The following SINHCAF variants were observed in gnomAD, a reference collection of about 807,000 sequenced individuals.
The protein encoded by SINHCAF is SIN3-HDAC complex-associated factor.
Under a neutral mutation model 25.8 loss-of-function variants are expected in SINHCAF, and 3 were observed. The ratio of observed to expected loss-of-function variants is 0.12; its 90% CI spans 0.05 to 0.30. The LOEUF is 0.30. Ranked by LOEUF, SINHCAF falls within the 10% of genes least tolerant of loss-of-function variation. The pLI is 1.00. For missense variants in SINHCAF, 121 were observed against 262.3 expected (o/e 0.46, Z 3.72); for synonymous variants, 70 against 85.5 (o/e 0.82, Z 1.00).
At chr12:31,312,352 T>A (rs1203295025) in intron 1 of SINHCAF, among the ~76,000 whole-genome samples, 2 of 151,486 alleles carry the variant, frequency 1.3e-5, no homozygotes, top group Non-Finnish European at 3.0e-5. Context: ...TTGTTTTACG[T>A]ATTTTGTGTG....
At chr12:31,286,095 G>A (rs1396595698) in intron 5 of SINHCAF, among the ~76,000 whole-genome samples, 2 of 151,970 alleles carry the variant, frequency 1.3e-5, no homozygotes. Flanking sequence ...TACCAATATT[G>A]TATTGGTTAG....
chr12:31,291,759 G>A (rs991208458), intron 4 of SINHCAF, among the ~76,000 whole-genome samples: 2 of 150,924 alleles, frequency 1.3e-5, no homozygotes, highest in Non-Finnish European at 2.9e-5. Context: ...GACAGAGCAA[G>A]TTTGACTCCA....
At chr12:31,298,028 T>C (rs1938617070) in intron 2 of SINHCAF, 49 bp downstream of exon 2, 1 of 1,545,598 alleles carries the variant, frequency 6.5e-7, no homozygotes, top group African/African-American at 1.4e-5. Flanking sequence ...TTCTGTATGC[T>C]GTGGTATTTT....
intron 1 of SINHCAF, among the ~76,000 whole-genome samples, chr12:31,308,096 A>G (rs1029796749): frequency 3.3e-4 from 50 of 152,240 alleles, no homozygotes; most frequent in Non-Finnish European, 3.2e-4. Flanking sequence ...TTTTGCCACC[A>G]CATCTGGCTA....
intron 4 of SINHCAF, among the ~76,000 whole-genome samples, chr12:31,292,281 T>C (rs1388454725): frequency 6.6e-6 from 1 of 152,078 alleles, no homozygotes; most frequent in Non-Finnish European, 1.5e-5. Flanking sequence ...GTGGGTGGAT[T>C]GCTTGAGCTC....
intron 1 of SINHCAF, among the ~76,000 whole-genome samples, chr12:31,306,157 A>G (rs141976237): frequency 2.0e-5 from 3 of 152,330 alleles, no homozygotes; most frequent in East Asian, 3.9e-4. Flanking sequence ...TACCCAATGC[A>G]AAAACATGCA....
At chr12:31,298,954 C>T (rs989434717) in intron 1 of SINHCAF, among the ~76,000 whole-genome samples, 5 of 151,992 alleles carry the variant, frequency 3.3e-5, no homozygotes, top group African/African-American at 1.2e-4. Flanking sequence ...TGGACCTCTT[C>T]TACAAGGCTT....
At chr12:31,315,896 TG>T (rs1939476627) in intron 1 of SINHCAF, among the ~76,000 whole-genome samples, 1 of 152,330 alleles carries the variant, frequency 6.6e-6, no homozygotes, top group East Asian at 1.9e-4. Context: ...CCGGGCGTGG[TG>T]GCTCAAGCCT....
At chr12:31,320,455 A>G (rs1234843175) in intron 1 of SINHCAF, among the ~76,000 whole-genome samples, 1 of 152,174 alleles carries the variant, frequency 6.6e-6, no homozygotes, top group Non-Finnish European at 1.5e-5. Flanking sequence ...TTACTGCATT[A>G]TCTCCTCTAC....
At chr12:31,287,355 A>C (rs887490300) in intron 5 of SINHCAF, among the ~76,000 whole-genome samples, 2 of 150,844 alleles carry the variant, frequency 1.3e-5, no homozygotes. Flanking sequence ...TGAAGGACCA[A>C]CTCTTAGTTT....
At chr12:31,295,806 A>AG (rs1248044047) in intron 2 of SINHCAF, among the ~76,000 whole-genome samples, 1 of 152,018 alleles carries the variant, frequency 6.6e-6, no homozygotes, top group African/African-American at 2.4e-5. Context: ...CAGGAAGCAG[A>AG]GGTTGCAGTG....
intron 1 of SINHCAF, among the ~76,000 whole-genome samples, chr12:31,318,185 G>A (rs1053068670): frequency 4.6e-5 from 7 of 152,090 alleles, no homozygotes; most frequent in South Asian, 2.1e-4. Context: ...GTATTCTCCC[G>A]CGGCTAGGCT....
In SINHCAF at chr12:31,324,271, T is replaced by C. The variant is rs988489025; in HGVS notation, c.-21+1753A>G. On this transcript the variant is annotated intron_variant, in intron 1 of 5. Transcript: ENST00000337682. The surrounding 1 kb of genome is among the most constrained non-coding windows in gnomAD (Gnocchi z 5.5). The stretch of plus-strand genomic sequence containing the variant: ...GCTTTGCCCTGACGTAATTCAAACA[T>C]GGCAACAGTTCGACTTCAAAGGCGA... 1.1e-5 allele frequency: 2 copies of C among 176,982 alleles called. No individual in the cohort carries two copies. The highest frequency in any genetic ancestry group is 2.4e-5 in the African/African-American group (1 of 41,478). The allele number at this position is 176,982 out of a possible 1,614,324, so 11.0% of individuals were successfully genotyped here. A position where few individuals can be genotyped will look rare whatever the true frequency, so the allele number is the denominator to read the frequency against.
chr12:31,318,496 A>G (rs1168520304), intron 1 of SINHCAF, among the ~76,000 whole-genome samples: 1 of 152,244 alleles, frequency 6.6e-6, no homozygotes, highest in African/African-American at 2.4e-5. Context: ...CACTTGGCAG[A>G]AGAGCCTAAA....
At chr12:31,299,584 G>A (rs968321305) in intron 1 of SINHCAF, among the ~76,000 whole-genome samples, 1 of 152,062 alleles carries the variant, frequency 6.6e-6, no homozygotes. Flanking sequence ...CCAAAGTGCT[G>A]GGATTACAGG....
rs1937786225 is a variant in SINHCAF at position 31,281,424 on chromosome 12, A to G, written c.*1288T>C. ...AAGAAAATAAAAATTTAATAGGCTA[A>G]AACAAGTCAAACACCCATTCTACAC... On this transcript the variant is annotated 3_prime_UTR_variant, in exon 6 of 6. Coordinates refer to ENST00000337682, the MANE Select transcript of SINHCAF (RefSeq NM_001135812.2). 6.6e-6 allele frequency: 1 copy of G among 152,226 alleles called. No individual in the cohort carries two copies. The highest frequency in any genetic ancestry group is 1.5e-5 in the Non-Finnish European group (1 of 68,038). 9.4% of individuals were successfully genotyped at this position (152,226 alleles called of 1,614,324 possible). A position where few individuals can be genotyped will look rare whatever the true frequency, so the allele number is the denominator to read the frequency against.
At position 31,298,507 on chromosome 12, in the gene SINHCAF, A is replaced by C. The variant is rs75312052; in HGVS notation, c.-20-283T>G. The C allele has an allele frequency of 3.1e-3, 1,070 of 349,310 alleles. 17 individuals carry two copies. The highest frequency in any genetic ancestry group is 0.021 in the African/African-American group (1,004 of 48,146). The allele number at this position is 349,310 out of a possible 1,614,324, so 21.6% of individuals were successfully genotyped here. ...AAAATGGGGAAGAGAAGCATTTTTT[A>C]AAATCAGGTTTTGAAGTAAGAAATG... On this transcript the variant is annotated intron_variant, in intron 1 of 5. Coordinates refer to ENST00000337682, the MANE Select transcript of SINHCAF (RefSeq NM_001135812.2).
chr12:31,308,898 C>T (rs377213447), intron 1 of SINHCAF, among the ~76,000 whole-genome samples: 4 of 152,010 alleles, frequency 2.6e-5, no homozygotes, highest in Non-Finnish European at 2.9e-5. Flanking sequence ...GAGGCTGAGG[C>T]GGGTGGATCA....
rs768240980 is a variant in SINHCAF, at chr12:31,325,024, C to G, written c.-21+1000G>C. The G allele has an allele frequency of 8.8e-6, 4 of 456,798 alleles. No individual in the cohort carries two copies. The highest frequency in any genetic ancestry group is 6.2e-5 in the South Asian group (4 of 64,576). The allele number at this position is 456,798 out of a possible 1,614,324, so 28.3% of individuals were successfully genotyped here. The stretch of plus-strand genomic sequence containing the variant: ...TGGACATTCGGACAAGGACCAGGGT[C>G]GCAGCCCGAAGCACGTGGTCTGTCA... On this transcript the variant is annotated intron_variant, in intron 1 of 5. Transcript: ENST00000337682. This position sits in a 1 kb window ranked among gnomAD's most constrained non-coding sequence, Gnocchi z 5.9.
Sources: allele counts gnomAD v4.1 joint callset (sites outside exome capture counted in the v4.1 genomes callset), GRCh38; gene constraint gnomAD v4.1.1; non-coding constraint Gnocchi (gnomAD v3.1); transcripts MANE v1.5; gene names NCBI Gene and HGNC (gene_info 2026-07-23, HGNC 2026-07-21).